Variants in ILKAP observed in about 807,000 individuals in gnomAD.
ILKAP encodes ILK associated serine/threonine phosphatase.
In ILKAP, 11 loss-of-function variants were observed where a neutral mutation model predicts 49.1. The ratio of observed to expected loss-of-function variants is 0.22; its 90% confidence interval spans 0.14 to 0.37. ILKAP has a LOEUF of 0.37. ILKAP is among the 10% of genes least tolerant of loss of function. The pLI is 1.00. For synonymous variants in ILKAP, 186 were observed against 192.8 expected (o/e 0.96, Z 0.29); for missense variants, 363 against 510.8 (o/e 0.71, Z 2.79).
intron 1 of ILKAP, among the ~76,000 whole-genome samples, chr2:238,196,478 C>T (rs1036422623): frequency 6.6e-6 from 1 of 152,162 alleles, no homozygotes; most frequent in South Asian, 2.1e-4. Context: ...CCACCCGCCT[C>T]AGCCTCCCAA....
At chr2:238,200,225 A>C (rs144203170) in intron 1 of ILKAP, among the ~76,000 whole-genome samples, 39 of 152,254 alleles carry the variant, frequency 2.6e-4, no homozygotes, top group African/African-American at 9.4e-4. Flanking sequence ...AAATATATAC[A>C]TCTCTCCTTT....
chr2:238,185,584 A>G lies in ILKAP; in HGVS notation c.426-297T>C, dbSNP rs576368483. On this transcript the variant is annotated intron_variant, in intron 5 of 11. Transcript: ENST00000254654. ...TTTGGGAGGCCGAGGCAGGCGGATC[A>G]CGAGATCAGGAGATCAAGACCATCC... 18 of 269,118 alleles carry G rather than the reference A, an allele frequency of 6.7e-5. No homozygotes were observed. The South Asian group carries it at 7.3e-4, about 11-fold the overall frequency. The allele number at this position is 269,118 out of a possible 1,614,324, so 16.7% of individuals were successfully genotyped here. A position where few individuals can be genotyped will look rare whatever the true frequency, so the allele number is the denominator to read the frequency against.
chr2:238,177,101 T>C (rs538067149), intron 9 of ILKAP, among the ~76,000 whole-genome samples: 14 of 152,212 alleles, frequency 9.2e-5, no homozygotes, highest in Non-Finnish European at 1.8e-4. Flanking sequence ...TGTCTTAATC[T>C]TCTCAGAAAA....
At chr2:238,172,422 C>T (rs923201525) in intron 10 of ILKAP, among the ~76,000 whole-genome samples, 4 of 152,190 alleles carry the variant, frequency 2.6e-5, no homozygotes, top group African/African-American at 7.2e-5. Context: ...CTGAGAACAC[C>T]GTGGGGCCTA....
At position 238,173,612 on chromosome 2, in the gene ILKAP, A is replaced by G. The variant is rs749850452; in HGVS notation, c.878T>C (p.Ile293Thr). Residue 293 changes from isoleucine (I) to threonine (T), a missense_variant, in exon 10 of 12, where the codon ATT becomes ACT. Coordinates refer to ENST00000254654, the MANE Select transcript of ILKAP (RefSeq NM_030768.3). ...GCAGCGCTTGTACTGCCCGTCCCCA[A>G]TGGAGCGTGACACCTCTAGCACGCC... Reference protein sequence around the residue: ...VLGVLEVSRSIGDGQYKRCGV... With the variant: ...VLGVLEVSRSTGDGQYKRCGV... The G allele has an allele frequency of 6.2e-7, 1 of 1,614,038 alleles. No homozygotes were observed.
chr2:238,178,383 C>G (rs974280393), intron 9 of ILKAP, among the ~76,000 whole-genome samples: 18 of 152,272 alleles, frequency 1.2e-4, no homozygotes, highest in Middle Eastern at 3.4e-3. Context: ...GAGATAAGGT[C>G]TCACTGCGTT....
chr2:238,170,760 C>G, intron 11 of ILKAP, 84 bp from the exon 12 acceptor site: 1 of 1,591,240 alleles, frequency 6.3e-7, no homozygotes, highest in Non-Finnish European at 8.6e-7. Flanking sequence ...GGAAGAAGAG[C>G]TGCTCTGGTC....
chr2:238,199,107 T>C (rs1363200411), intron 1 of ILKAP, among the ~76,000 whole-genome samples: 1 of 152,166 alleles, frequency 6.6e-6, no homozygotes, highest in Non-Finnish European at 1.5e-5. Context: ...AGTGTTCACA[T>C]AACCCATCAA....
intron 3 of ILKAP, among the ~76,000 whole-genome samples, chr2:238,191,900 A>G (rs1401109017): frequency 2.7e-5 from 4 of 149,380 alleles, no homozygotes; most frequent in African/African-American, 9.8e-5. Context: ...GCAAGGCTCC[A>G]TCTCAAAAAA....
At chr2:238,181,613 G>T (rs551981989) in intron 9 of ILKAP, among the ~76,000 whole-genome samples, 71 of 144,750 alleles carry the variant, frequency 4.9e-4, no homozygotes, top group African/African-American at 1.8e-3. Flanking sequence ...AAAGTGACAG[G>T]TTTTTTTTTT....
intron 10 of ILKAP, 134 bp from the exon 11 acceptor site, chr2:238,171,158 T>C (rs1693202292): frequency 3.3e-6 from 2 of 612,784 alleles, no homozygotes. Flanking sequence ...TTTTTCTTTT[T>C]TCTTTTTTTT....
chr2:238,202,282 T>C (rs1694602350), intron 1 of ILKAP, among the ~76,000 whole-genome samples: 1 of 151,920 alleles, frequency 6.6e-6, no homozygotes, highest in South Asian at 2.1e-4. Context: ...AGCCTGAACA[T>C]CCTTGGAAGC....
chr2:238,182,824 CCAG>C (rs1693752933), intron 8 of ILKAP, among the ~76,000 whole-genome samples: 1 of 152,192 alleles, frequency 6.6e-6, no homozygotes, highest in Admixed American at 6.5e-5. Flanking sequence ...TGGGCTAAGG[CCAG>C]TCTACTAAAG....
chr2:238,203,656 G>C lies in ILKAP; in HGVS notation c.-103C>G, dbSNP rs954209205. The C allele has an allele frequency of 4.9e-6, 3 of 614,098 alleles. No homozygotes were observed. Among genetic ancestry groups the C allele is most frequent in the African/African-American group, 2.0e-5 (1 of 50,126 alleles). 38.0% of individuals were successfully genotyped at this position (614,098 alleles called of 1,614,324 possible). A position where few individuals can be genotyped will look rare whatever the true frequency, so the allele number is the denominator to read the frequency against. On this transcript the variant is annotated 5_prime_UTR_variant, in exon 1 of 12. Coordinates refer to ENST00000254654, the MANE Select transcript of ILKAP (RefSeq NM_030768.3). Reference sequence around the variant, plus strand: ...GGCGGCAGCAGCGGGCGGGCGACGGGCAGGGGCGGCCGGCGCCGTCAGTCA... The same window carrying C: ...GGCGGCAGCAGCGGGCGGGCGACGGCCAGGGGCGGCCGGCGCCGTCAGTCA...
intron 8 of ILKAP, 24 bp from the exon 9 acceptor site, chr2:238,182,210 G>A (rs756715843): frequency 4.3e-6 from 7 of 1,611,836 alleles, no homozygotes; most frequent in Non-Finnish European, 1.7e-6. Flanking sequence ...GATTGTAATA[G>A]TCATGAAATT....
chr2:238,183,844 A>C, intron 7 of ILKAP, 104 bp from the exon 8 acceptor site: 1 of 1,001,516 alleles, frequency 1.0e-6, no homozygotes. Context: ...AAAATGAACC[A>C]TTTCCTTGAT....
At chr2:238,198,967 T>C (rs1310090923) in intron 1 of ILKAP, among the ~76,000 whole-genome samples, 3 of 152,222 alleles carry the variant, frequency 2.0e-5, no homozygotes, top group Non-Finnish European at 4.4e-5. Context: ...GGGGACAGGT[T>C]CCGCCACACC....
intron 2 of ILKAP, 86 bp from the exon 3 acceptor site, chr2:238,194,417 A>T (rs1177367029): frequency 1.6e-6 from 2 of 1,261,482 alleles, no homozygotes; most frequent in Non-Finnish European, 1.1e-6. Flanking sequence ...ACACCTATGT[A>T]GGTTACTGAA....
In ILKAP at chr2:238,194,542, T is replaced by A. The variant is rs934416557; in HGVS notation, c.122-211A>T. 7.0e-5 allele frequency: 43 copies of A among 610,858 alleles called. No homozygotes were observed. In the African/African-American group the frequency reaches 7.6e-4, roughly 11 times the overall value. 37.8% of individuals were successfully genotyped at this position (610,858 alleles called of 1,614,324 possible). On this transcript the variant is annotated intron_variant, in intron 2 of 11. Transcript: ENST00000254654. ...GGAAATAAAAATCTGCCTTAAAAAG[T>A]TAAATTGTACTTCAGGTAGTAAAAT...
Sources: gnomAD v4.1 joint callset for allele counts (sites outside exome capture counted in the v4.1 genomes callset) on GRCh38, gnomAD v4.1.1 for gene constraint, MANE v1.5 for transcripts, NCBI Gene and HGNC (gene_info 2026-07-23, HGNC 2026-07-21) for gene names.